CARMIL1: variants seen among roughly 807,000 people sequenced by gnomAD.
The protein encoded by CARMIL1 is F-actin-uncapping protein LRRC16A.
CARMIL1 carries 90 observed loss-of-function variants against 177.1 expected under a neutral mutation model. The observed-to-expected ratio is 0.51, with a 90% CI of 0.43 to 0.61. The LOEUF is 0.61. CARMIL1 is among the 20% of genes least tolerant of loss of function. CARMIL1 has a pLI of 0.00. For synonymous variants in CARMIL1, 577 were observed against 606.2 expected (o/e 0.95, Z 0.71); for missense variants, 1,380 against 1,667.0 (o/e 0.83, Z 3.00).
intron 2 of CARMIL1, among the ~76,000 whole-genome samples, chr6:25,348,600 G>A (rs1787791123): frequency 6.6e-6 from 1 of 151,288 alleles, no homozygotes; most frequent in Admixed American, 6.6e-5. Context: ...TGGCCAACAT[G>A]GTGAAACCCC....
chr6:25,302,146 C>CCTAT (rs1782906348), intron 2 of CARMIL1, among the ~76,000 whole-genome samples: 1 of 151,972 alleles, frequency 6.6e-6, no homozygotes, highest in South Asian at 2.1e-4. Flanking sequence ...CGGCACTGAC[C>CCTAT]CTATCCAGTT....
In CARMIL1 at chr6:25,448,938, A is replaced by T. The variant is rs758532227; in HGVS notation, c.372-960A>T. Among the ~76,000 whole-genome samples the T allele has an allele frequency of 2.6e-3, 313 of 118,950 alleles. 1 individual carries two copies. The highest frequency in any genetic ancestry group is 4.3e-3 in the Non-Finnish European group (258 of 60,338). The allele number at this position is 118,950 out of a possible 152,430, so 78.0% of individuals were successfully genotyped here. On this transcript the variant is annotated intron_variant, in intron 5 of 36. Coordinates refer to ENST00000329474, the MANE Select transcript of CARMIL1 (RefSeq NM_017640.6). ...CTTCTTTTTTTTTTTTTTTTTGGAG[A>T]GTCTCCCTCTGTCACCTAGGTTGGA...
At chr6:25,424,226 A>G (rs1796104765) in intron 3 of CARMIL1, among the ~76,000 whole-genome samples, 1 of 152,006 alleles carries the variant, frequency 6.6e-6, no homozygotes, top group Non-Finnish European at 1.5e-5. Context: ...GCCTTTGCGA[A>G]TTCTTTTTCT....
At chr6:25,334,221 T>C (rs1785981964) in intron 2 of CARMIL1, among the ~76,000 whole-genome samples, 1 of 152,226 alleles carries the variant, frequency 6.6e-6, no homozygotes, top group African/African-American at 2.4e-5. Context: ...AGGGAGGCCA[T>C]GGGGCCAGAG....
intron 2 of CARMIL1, among the ~76,000 whole-genome samples, chr6:25,417,111 G>C (rs1795420586): frequency 6.6e-6 from 1 of 152,064 alleles, no homozygotes; most frequent in Non-Finnish European, 1.5e-5. Context: ...TTTGAAAGAG[G>C]GGTCATATCC....
intron 35 of CARMIL1, among the ~76,000 whole-genome samples, chr6:25,608,759 G>A (rs1816234048): frequency 6.6e-6 from 1 of 152,152 alleles, no homozygotes; most frequent in Non-Finnish European, 1.5e-5. Context: ...GCTTATTTTG[G>A]TTAAGCAAGT....
At chr6:25,352,387 G>A (rs928710049) in intron 2 of CARMIL1, among the ~76,000 whole-genome samples, 2 of 151,578 alleles carry the variant, frequency 1.3e-5, no homozygotes, top group African/African-American at 4.9e-5. Context: ...TATGTGCTGT[G>A]GAACTTATTA....
At chr6:25,536,385 T>G (rs1287356512) in intron 24 of CARMIL1, among the ~76,000 whole-genome samples, 1 of 152,140 alleles carries the variant, frequency 6.6e-6, no homozygotes, top group African/African-American at 2.4e-5. Context: ...TTTCTTGTCT[T>G]AGATTTTTAG....
At chr6:25,546,898 C>CA (rs1809547459) in intron 26 of CARMIL1, among the ~76,000 whole-genome samples, 1 of 151,430 alleles carries the variant, frequency 6.6e-6, no homozygotes, top group Non-Finnish European at 1.5e-5. Context: ...AAAAAAAATA[C>CA]AAAAAAAGTA....
intron 3 of CARMIL1, among the ~76,000 whole-genome samples, chr6:25,424,659 T>C (rs1796137466): frequency 6.6e-6 from 1 of 152,184 alleles, no homozygotes; most frequent in Admixed American, 6.5e-5. Context: ...AGCAATAAAA[T>C]ATGAGTGCAA....
chr6:25,581,520 C>A (rs970246954), intron 31 of CARMIL1, 81 bp downstream of exon 31: 6 of 1,288,498 alleles, frequency 4.7e-6, no homozygotes, highest in Non-Finnish European at 6.3e-6. Context: ...TGCTAAAGTG[C>A]TTTGCACAAA....
At chr6:25,398,134 AT>A (rs1793585427) in intron 2 of CARMIL1, among the ~76,000 whole-genome samples, 1 of 152,204 alleles carries the variant, frequency 6.6e-6, no homozygotes, top group South Asian at 2.1e-4. Context: ...GTAAAGAACT[AT>A]TTAAAAATTA....
At chr6:25,285,803 G>GT (rs34610995) in intron 2 of CARMIL1, among the ~76,000 whole-genome samples, 7,537 of 148,560 alleles carry the variant, frequency 0.051, 578 homozygotes, top group African/African-American at 0.17. Context: ...TGTTGTTGCT[G>GT]TTTTTTTTTT....
At chr6:25,466,712 A>T (rs567965185) in intron 9 of CARMIL1, among the ~76,000 whole-genome samples, 2 of 152,282 alleles carry the variant, frequency 1.3e-5, no homozygotes, top group Non-Finnish European at 1.5e-5. Context: ...TGAGACGTGG[A>T]TCTGTAGGAC....
chr6:25,520,987 C>G (rs550257208), intron 23 of CARMIL1, among the ~76,000 whole-genome samples: 34 of 152,246 alleles, frequency 2.2e-4, no homozygotes, highest in African/African-American at 7.7e-4. Context: ...CTGAAGATGC[C>G]TACTCCACTC....
At chr6:25,609,053 T>C (rs1372756982) in intron 35 of CARMIL1, among the ~76,000 whole-genome samples, 1 of 152,174 alleles carries the variant, frequency 6.6e-6, no homozygotes, top group Non-Finnish European at 1.5e-5. Flanking sequence ...CAAGTTTTTG[T>C]TGGGCTGCAT....
intron 2 of CARMIL1, among the ~76,000 whole-genome samples, chr6:25,385,342 G>A (rs561563629): frequency 5.7e-4 from 87 of 152,308 alleles, no homozygotes; most frequent in African/African-American, 2.0e-3. Context: ...CTATGAACGG[G>A]ATTCGAACAG....
At chr6:25,316,273 A>C (rs2143022) in intron 2 of CARMIL1, among the ~76,000 whole-genome samples, 78,178 of 151,898 alleles carry the variant, frequency 0.51, 20,205 homozygotes, top group Middle Eastern at 0.57. Flanking sequence ...GAGTGGGCAC[A>C]GGCGCAGCAC....
chr6:25,617,816 C>A (rs1485485093), intron 36 of CARMIL1, among the ~76,000 whole-genome samples: 2 of 152,060 alleles, frequency 1.3e-5, no homozygotes, highest in Non-Finnish European at 2.9e-5. Context: ...GTGAAAGGAC[C>A]AAACAAGTGC....
Sources: allele counts gnomAD v4.1 joint callset (sites outside exome capture counted in the v4.1 genomes callset), GRCh38; gene constraint gnomAD v4.1.1; transcripts MANE v1.5; gene names NCBI Gene and HGNC (gene_info 2026-07-23, HGNC 2026-07-21).